KCNB2: variants seen among roughly 807,000 people sequenced by gnomAD.
KCNB2 encodes the protein potassium voltage-gated channel subfamily B member 2, also known as delayed rectifier potassium channel protein.
In KCNB2, 15 loss-of-function variants were observed where a neutral mutation model predicts 61.5. That is an observed-to-expected ratio of 0.24 (90% CI 0.16 to 0.38). The LOEUF is 0.38. KCNB2 is among the 10% of genes least tolerant of loss of function. KCNB2 has a pLI of 1.00. For missense variants in KCNB2, 828 were observed against 1,125.2 expected, an observed-to-expected ratio of 0.74 and a Z score of 3.78; for synonymous variants, 457 against 446.0, an observed-to-expected ratio of 1.02 and a Z score of -0.31.
At chr8:72,711,649 A>T (rs200636255) in intron 2 of KCNB2, among the ~76,000 whole-genome samples, 1 of 152,206 alleles carries the variant, frequency 6.6e-6, no homozygotes, top group Non-Finnish European at 1.5e-5. Context: ...AGGGCACAGC[A>T]TGTCCAGAGG....
intron 2 of KCNB2, among the ~76,000 whole-genome samples, chr8:72,911,010 A>C (rs533013540): frequency 6.6e-6 from 1 of 152,312 alleles, no homozygotes; most frequent in South Asian, 2.1e-4. Context: ...GACTTCTTGA[A>C]TACACCATCC....
At chr8:72,696,429 GA>G (rs1255994667) in intron 2 of KCNB2, among the ~76,000 whole-genome samples, 1 of 152,124 alleles carries the variant, frequency 6.6e-6, no homozygotes, top group Non-Finnish European at 1.5e-5. Context: ...CCTTTCTCCA[GA>G]AAAATATAAC....
chr8:72,675,794 C>G (rs1470759097), intron 2 of KCNB2, among the ~76,000 whole-genome samples: 3 of 152,104 alleles, frequency 2.0e-5, no homozygotes, highest in African/African-American at 7.2e-5. Context: ...CCTCGTGATC[C>G]TCCCGCCTCG....
chr8:72,787,211 A>G (rs1808857108), intron 2 of KCNB2, among the ~76,000 whole-genome samples: 2 of 152,144 alleles, frequency 1.3e-5, no homozygotes, highest in South Asian at 4.1e-4. Context: ...CCTGGGCAAC[A>G]TAGAAAGATC....
intron 2 of KCNB2, among the ~76,000 whole-genome samples, chr8:72,636,400 C>T (rs549534645): frequency 5.8e-4 from 89 of 152,198 alleles, no homozygotes; most frequent in African/African-American, 2.0e-3. Context: ...TATTTGCAGA[C>T]AAGTGTCCAT....
chr8:72,938,088 G>A lies in KCNB2; in HGVS notation c.2733G>A (p.Met911Ile), dbSNP rs768621667. ...TGYCPTRETS[M>I] ...ATTGTCCCACACGTGAAACCAGCAT[G>A]TGACTAGTTACAAAAGCAATAAATT... The change falls in exon 3 of 3, where the codon ATG becomes ATA. Residue 911 changes from methionine (M) to isoleucine (I), a missense_variant. Transcript: ENST00000523207. The A allele has an allele frequency of 3.8e-6, 6 of 1,584,454 alleles. No homozygotes were observed. The South Asian group carries it at 4.6e-5, about 12-fold the overall frequency.
intron 2 of KCNB2, among the ~76,000 whole-genome samples, chr8:72,756,713 T>C (rs1319042455): frequency 6.6e-6 from 1 of 152,172 alleles, no homozygotes; most frequent in African/African-American, 2.4e-5. Context: ...AGTTGGAAAG[T>C]TCCTGCAGTA....
At chr8:72,644,653 A>T (rs1007169156) in intron 2 of KCNB2, among the ~76,000 whole-genome samples, 3 of 152,142 alleles carry the variant, frequency 2.0e-5, no homozygotes, top group Non-Finnish European at 4.4e-5. Context: ...TTAATTGTCA[A>T]TTTAATATGT....
At chr8:72,542,463 C>T (rs1806203913) in intron 1 of KCNB2, among the ~76,000 whole-genome samples, 1 of 151,968 alleles carries the variant, frequency 6.6e-6, no homozygotes, top group Admixed American at 6.6e-5. Flanking sequence ...GACCAATCCA[C>T]CAAAGCCCTT....
At chr8:72,872,323 C>G (rs907160081) in intron 2 of KCNB2, among the ~76,000 whole-genome samples, 2 of 152,186 alleles carry the variant, frequency 1.3e-5, no homozygotes, top group African/African-American at 4.8e-5. Context: ...AGGCAAATAG[C>G]TCTGTCAGAA....
rs142736975 is a variant in KCNB2 at position 72,699,876 on chromosome 8, C to T, written c.579+131563C>T. ...CCCAAAGGATTATAAATCATTCTAC[C>T]ATAAAGACACATGTGCATGTATGTT... On this transcript the variant is annotated intron_variant, in intron 2 of 2. Transcript: ENST00000523207. Among the ~76,000 whole-genome samples, 320 of 152,170 alleles carry T rather than the reference C, an allele frequency of 2.1e-3. 3 individuals carry two copies. Among genetic ancestry groups the T allele is most frequent in the African/African-American group, 7.3e-3 (301 of 41,504 alleles).
At chr8:72,645,555 C>T (rs1415121282) in intron 2 of KCNB2, among the ~76,000 whole-genome samples, 1 of 152,102 alleles carries the variant, frequency 6.6e-6, no homozygotes, top group Non-Finnish European at 1.5e-5. Context: ...TGGCTTAGCT[C>T]TTAGTGTTGT....
chr8:72,822,125 C>T (rs1809522983), intron 2 of KCNB2, among the ~76,000 whole-genome samples: 1 of 152,212 alleles, frequency 6.6e-6, no homozygotes, highest in South Asian at 2.1e-4. Flanking sequence ...CTTTGGTGAC[C>T]TCCCAGTCAT....
intron 2 of KCNB2, among the ~76,000 whole-genome samples, chr8:72,739,223 G>A (rs554505179): frequency 6.6e-6 from 1 of 151,216 alleles, no homozygotes; most frequent in South Asian, 2.1e-4. Flanking sequence ...CCTACCATCT[G>A]TCTCCTCCCA....
At chr8:72,694,545 A>G (rs1806987804) in intron 2 of KCNB2, among the ~76,000 whole-genome samples, 1 of 152,210 alleles carries the variant, frequency 6.6e-6, no homozygotes. Flanking sequence ...AAATATTCTG[A>G]AAGATGGAGA....
intron 2 of KCNB2, among the ~76,000 whole-genome samples, chr8:72,712,081 C>G (rs925927370): frequency 1.3e-5 from 2 of 152,170 alleles, no homozygotes; most frequent in African/African-American, 4.8e-5. Context: ...GCTCAAATAT[C>G]CTTTTAATTT....
chr8:72,930,288 G>A (rs571622299), intron 2 of KCNB2, among the ~76,000 whole-genome samples: 7,167 of 151,994 alleles, frequency 0.047, 367 homozygotes, highest in African/African-American at 0.13. Flanking sequence ...ATAGCAGCAT[G>A]ATTTATAGTC....
rs147598440 is a variant in KCNB2 at position 72,672,961 on chromosome 8, G to A, written c.579+104648G>A. On this transcript the variant is annotated intron_variant, in intron 2 of 2. Transcript: ENST00000523207. ...CTTGCTGGTGAGAAAGTAAAATGCT[G>A]CAGCTGCTGTGGAAAATTATATGAT... Among the ~76,000 whole-genome samples, 11 of 152,278 alleles carry A rather than the reference G, an allele frequency of 7.2e-5. 1 individual carries two copies. Among genetic ancestry groups the A allele is most frequent in the African/African-American group, 2.6e-4 (11 of 41,560 alleles).
intron 2 of KCNB2, among the ~76,000 whole-genome samples, chr8:72,852,597 A>G (rs954543142): frequency 2.0e-5 from 3 of 152,246 alleles, no homozygotes; most frequent in Non-Finnish European, 2.9e-5. Flanking sequence ...TCGACAGTGG[A>G]TAATCTACAA....
Sources: allele counts gnomAD v4.1 joint callset (sites outside exome capture counted in the v4.1 genomes callset), GRCh38; gene constraint gnomAD v4.1.1; transcripts MANE v1.5; gene names NCBI Gene and HGNC (gene_info 2026-07-23, HGNC 2026-07-21).